Variants in CUX1 observed in about 807,000 individuals in gnomAD.
The protein encoded by CUX1 is cut like homeobox 1, also known as protein CASP.
CUX1 carries 31 observed loss-of-function variants against 158.8 expected under a neutral mutation model. That is an observed-to-expected ratio of 0.20 (90% confidence interval 0.15 to 0.26). The LOEUF is 0.26. Ranked by LOEUF, CUX1 falls within the 10% of genes least tolerant of loss-of-function variation. The pLI is 1.00. For missense variants in CUX1, 1,589 were observed against 2,014.6 expected (o/e 0.79, Z 4.04); for synonymous variants, 879 against 862.1 (o/e 1.02, Z -0.34).
chr7:102,282,971 C>G (rs898272767), intron 22 of CUX1: 1 of 1,447,638 alleles, frequency 6.9e-7, no homozygotes. Context: ...ACACACCCCC[C>G]TTCCCCAACA....
In CUX1 at chr7:102,257,977, A is replaced by G. The variant is rs1209881279; in HGVS notation, c.*8935A>G. 11 of 950,152 alleles carry G rather than the reference A, an allele frequency of 1.2e-5. No homozygotes were observed. Among genetic ancestry groups the G allele is most frequent in the Non-Finnish European group, 1.3e-5 (11 of 821,054 alleles). 58.9% of individuals were successfully genotyped at this position (950,152 alleles called of 1,614,324 possible). A position where few individuals can be genotyped will look rare whatever the true frequency, so the allele number is the denominator to read the frequency against. Reference sequence around the variant, plus strand: ...TGTGACATCTCTCTGGTAACATTTTATTTCTTGCTATTTGTTTTTCTACAT... The same window carrying G: ...TGTGACATCTCTCTGGTAACATTTTGTTTCTTGCTATTTGTTTTTCTACAT... On this transcript the variant is annotated 3_prime_UTR_variant, in exon 24 of 24. Transcript: ENST00000292535.
At chr7:102,084,802 G>A (rs929072473) in intron 4 of CUX1, among the ~76,000 whole-genome samples, 13 of 134,722 alleles carry the variant, frequency 9.6e-5, no homozygotes, top group African/African-American at 3.6e-4. Context: ...TGTTGTTCAT[G>A]TTTCCTGTAT....
chr7:102,205,266 C>T lies in CUX1; in HGVS notation c.3130+96C>T, dbSNP rs544086794. 15 of 909,392 alleles carry T rather than the reference C, an allele frequency of 1.6e-5. 1 individual carries two copies. The highest frequency in any genetic ancestry group is 3.3e-5 in the African/African-American group (2 of 60,786). 56.3% of individuals were successfully genotyped at this position (909,392 alleles called of 1,614,324 possible). A position where few individuals can be genotyped will look rare whatever the true frequency, so the allele number is the denominator to read the frequency against. On this transcript the variant is annotated intron_variant, in intron 20 of 23. Transcript: ENST00000292535. ...CTGTCCCGGCGAGACTCCGAGGGACCGCACATTCTGGATTTGGGGAGCTGA... is the reference window on the plus strand; with the variant it reads ...CTGTCCCGGCGAGACTCCGAGGGACTGCACATTCTGGATTTGGGGAGCTGA...
At chr7:102,113,724 C>CT (rs1306208793) in intron 7 of CUX1, among the ~76,000 whole-genome samples, 3 of 151,276 alleles carry the variant, frequency 2.0e-5, no homozygotes, top group Admixed American at 6.6e-5. Flanking sequence ...CACATGGCTA[C>CT]TTTTTTTTTC....
chr7:101,992,801 G>A (rs1302676134), intron 2 of CUX1, among the ~76,000 whole-genome samples: 2 of 53,146 alleles, frequency 3.8e-5, no homozygotes, highest in African/African-American at 1.4e-4. Flanking sequence ...TCCAACCCCC[G>A]CCCCGCCGGA....
At chr7:101,970,791 G>T (rs1811858085) in intron 2 of CUX1, among the ~76,000 whole-genome samples, 1 of 152,076 alleles carries the variant, frequency 6.6e-6, no homozygotes, top group African/African-American at 2.4e-5. Context: ...CCTGACCTCA[G>T]CTGACCCACC....
chr7:102,252,173 G>T lies in CUX1; in HGVS notation c.*3131G>T. 1 of 985,300 alleles carries T rather than the reference G, an allele frequency of 1.0e-6. No individual in the cohort carries two copies. Among genetic ancestry groups the T allele is most frequent in the Non-Finnish European group, 1.2e-6 (1 of 829,918 alleles). 61.0% of individuals were successfully genotyped at this position (985,300 alleles called of 1,614,324 possible). A position where few individuals can be genotyped will look rare whatever the true frequency, so the allele number is the denominator to read the frequency against. On this transcript the variant is annotated 3_prime_UTR_variant, in exon 24 of 24. Coordinates refer to ENST00000292535, the MANE Select transcript of CUX1 (RefSeq NM_181552.4). ...ACCTTAGATCTTTGATGTGAAGCTA[G>T]CACTGTCTGTAATACTTCTAAGAGC...
intron 8 of CUX1, among the ~76,000 whole-genome samples, chr7:102,132,314 C>CGT (rs1265114027): frequency 0.01 from 1 of 96 alleles, no homozygotes; most frequent in African/African-American, 0.019. Context: ...TGTGTGCGCG[C>CGT]GCGCGCGCGC....
chr7:101,897,445 G>C (rs140422819), intron 1 of CUX1, among the ~76,000 whole-genome samples: 3 of 151,864 alleles, frequency 2.0e-5, no homozygotes, highest in Admixed American at 6.6e-5. Flanking sequence ...AGCCCGCAGT[G>C]AGCTATGATC....
At chr7:101,858,053 G>T (rs534525101) in intron 1 of CUX1, among the ~76,000 whole-genome samples, 1 of 152,320 alleles carries the variant, frequency 6.6e-6, no homozygotes, top group Non-Finnish European at 1.5e-5. Flanking sequence ...AACCCAGGAG[G>T]CGGAGGTTAC....
intron 2 of CUX1, among the ~76,000 whole-genome samples, chr7:102,001,020 C>T (rs1458008651): frequency 6.6e-6 from 1 of 151,976 alleles, no homozygotes; most frequent in African/African-American, 2.4e-5. Context: ...CTCAAGTAAT[C>T]ATCCCACCTT....
intron 21 of CUX1, among the ~76,000 whole-genome samples, chr7:102,228,213 A>C (rs1305899957): frequency 1.3e-5 from 2 of 151,810 alleles, no homozygotes; most frequent in Non-Finnish European, 2.9e-5. Context: ...AGCCTCCAAA[A>C]TTCTTGGGAT....
intron 8 of CUX1, among the ~76,000 whole-genome samples, chr7:102,132,545 CTG>C (rs1554497623): frequency 6.6e-6 from 1 of 151,934 alleles, no homozygotes; most frequent in East Asian, 1.9e-4. Flanking sequence ...ATTCCAGAAA[CTG>C]AGGGTATTTC....
chr7:102,106,128 C>T (rs1414130597), intron 6 of CUX1, among the ~76,000 whole-genome samples: 3 of 137,488 alleles, frequency 2.2e-5, no homozygotes, highest in Non-Finnish European at 4.6e-5. Flanking sequence ...CACTCTGTCA[C>T]CCAGGCTTGA....
chr7:101,847,056 A>T (rs893042044), intron 1 of CUX1, among the ~76,000 whole-genome samples: 2 of 152,256 alleles, frequency 1.3e-5, no homozygotes, highest in Non-Finnish European at 2.9e-5. Flanking sequence ...AGATGGGAGG[A>T]TCGCTGGAGC....
At chr7:102,168,337 C>T (rs1171500554) in intron 9 of CUX1, among the ~76,000 whole-genome samples, 4 of 152,070 alleles carry the variant, frequency 2.6e-5, no homozygotes, top group African/African-American at 7.2e-5. Flanking sequence ...CCTGGGCGGA[C>T]GGAACTGCCA....
At position 102,258,105 on chromosome 7, in the gene CUX1, C is replaced by T; in HGVS notation, c.*9063C>T. On this transcript the variant is annotated 3_prime_UTR_variant, in exon 24 of 24. Coordinates refer to ENST00000292535, the MANE Select transcript of CUX1 (RefSeq NM_181552.4). ...TGGTTAGCCATACGATGTTTGTTCT[C>T]AGCACTGTACAACGGTCCCTATATA... 1.0e-6 allele frequency: 1 copy of T among 985,348 alleles called. No homozygotes were observed. Among genetic ancestry groups the T allele is most frequent in the Non-Finnish European group, 1.2e-6 (1 of 829,910 alleles). 61.0% of individuals were successfully genotyped at this position (985,348 alleles called of 1,614,324 possible). A position where few individuals can be genotyped will look rare whatever the true frequency, so the allele number is the denominator to read the frequency against.
chr7:101,932,365 C>T (rs1003395743), intron 2 of CUX1: 59 of 322,648 alleles, frequency 1.8e-4, no homozygotes, highest in Non-Finnish European at 1.8e-4. Context: ...ACCCATATCG[C>T]ATGCAAGCGT....
intron 2 of CUX1, among the ~76,000 whole-genome samples, chr7:101,985,074 T>A (rs1453036480): frequency 6.6e-6 from 1 of 152,198 alleles, no homozygotes; most frequent in East Asian, 1.9e-4. Context: ...TGGTTTCCAA[T>A]AAAGAATTGA....
Sources: allele counts gnomAD v4.1 joint callset (sites outside exome capture counted in the v4.1 genomes callset), GRCh38; gene constraint gnomAD v4.1.1; transcripts MANE v1.5; gene names NCBI Gene and HGNC (gene_info 2026-07-23, HGNC 2026-07-21).